LPXN: variants seen among roughly 807,000 people sequenced by gnomAD.
LPXN encodes the protein leupaxin.
LPXN carries 28 observed loss-of-function variants against 45.6 expected under a neutral mutation model. The observed-to-expected ratio is 0.61, with a 90% CI of 0.45 to 0.84. The LOEUF (loss-of-function observed/expected upper bound fraction) is 0.84, where lower values mean the gene tolerates loss of function less well. Ranked by LOEUF, LPXN falls within the 40% of genes least tolerant of loss-of-function variation. The pLI, the probability that LPXN is intolerant of heterozygous loss-of-function variation, is 0.00. For synonymous variants in LPXN, 166 were observed against 169.9 expected (o/e 0.98, Z 0.18); for missense variants, 459 against 475.0 (o/e 0.97, Z 0.31).
chr11:58,540,183 T>A (rs1024405580), intron 7 of LPXN, among the ~76,000 whole-genome samples: 2 of 151,908 alleles, frequency 1.3e-5, no homozygotes, highest in East Asian at 3.8e-4. Context: ...AAAAACAGTA[T>A]CATGAGAAAG....
chr11:58,558,662 T>C (rs1339781419), intron 3 of LPXN, among the ~76,000 whole-genome samples: 1 of 151,606 alleles, frequency 6.6e-6, no homozygotes, highest in East Asian at 1.9e-4. Flanking sequence ...AAGAACTTCC[T>C]ATATGAGCAA....
chr11:58,546,917 C>CTGAG (rs1853891193), intron 7 of LPXN, among the ~76,000 whole-genome samples: 1 of 152,068 alleles, frequency 6.6e-6, no homozygotes, highest in African/African-American at 2.4e-5. Context: ...AAAAGGAAAA[C>CTGAG]TGAGAGAAGG....
intron 7 of LPXN, among the ~76,000 whole-genome samples, chr11:58,535,686 A>G (rs191528873): frequency 1.6e-4 from 25 of 152,344 alleles, no homozygotes; most frequent in African/African-American, 5.8e-4. Context: ...CAGGCAACAG[A>G]AAGAAATAAA....
Position 58,570,741 on chromosome 11 carries a change from G to C in LPXN, c.14-28C>G, listed in dbSNP as rs1185155873. ...ACACCATAAGAAGCAAGAGAATCAT[G>C]ACAGAGAATATTTAAATCCCTACAG... On this transcript the variant is annotated intron_variant, in intron 1 of 8. Transcript: ENST00000395074. 2.6e-6 allele frequency: 4 copies of C among 1,564,400 alleles called. No individual in the cohort carries two copies. In the South Asian group the frequency reaches 3.5e-5, roughly 14 times the overall value.
At chr11:58,546,865 T>C (rs957522113) in intron 7 of LPXN, among the ~76,000 whole-genome samples, 4 of 152,106 alleles carry the variant, frequency 2.6e-5, no homozygotes, top group African/African-American at 9.7e-5. Flanking sequence ...CTTGTACAAT[T>C]CTGGAATTCC....
intron 7 of LPXN, among the ~76,000 whole-genome samples, chr11:58,549,277 C>T (rs548107306): frequency 6.6e-6 from 1 of 152,174 alleles, no homozygotes; most frequent in East Asian, 1.9e-4. Context: ...GCCTGTAGTC[C>T]CAGCTACTTG....
chr11:58,538,300 G>A (rs969731968), intron 7 of LPXN, among the ~76,000 whole-genome samples: 10 of 152,256 alleles, frequency 6.6e-5, no homozygotes, highest in Middle Eastern at 3.4e-3. Context: ...TAATGGGGTG[G>A]CTGGGCCAAA....
At chr11:58,541,291 G>C (rs1354627633) in intron 7 of LPXN, among the ~76,000 whole-genome samples, 6 of 152,122 alleles carry the variant, frequency 3.9e-5, no homozygotes, top group East Asian at 1.9e-4. Flanking sequence ...ACCTACTCAT[G>C]TGACAAAGGG....
chr11:58,528,808 A>C (rs563239849), intron 7 of LPXN, among the ~76,000 whole-genome samples: 1 of 152,236 alleles, frequency 6.6e-6, no homozygotes, highest in African/African-American at 2.4e-5. Flanking sequence ...CTCATACCAT[A>C]TATTTGAATT....
chr11:58,555,673 T>A (rs1158251807), intron 3 of LPXN, among the ~76,000 whole-genome samples: 2 of 151,810 alleles, frequency 1.3e-5, no homozygotes, highest in Non-Finnish European at 2.9e-5. Flanking sequence ...AACAAAGCAC[T>A]TCTAAATAAT....
chr11:58,570,566 C>T lies in LPXN; in HGVS notation c.161G>A (p.Ser54Asn). Residue 54 changes from serine (S) to asparagine (N), a missense_variant, in exon 2 of 9, where the codon AGT becomes AAT. Physicochemically the swap from Ser to Asn is conservative, Grantham distance 46 (BLOSUM62 1). Coordinates refer to ENST00000395074, the MANE Select transcript of LPXN (RefSeq NM_004811.3). ...TAAATGAAAATTTACCGGCAAGGGA[C>T]TTGTGTTATCCTGAATAGAAAGGAT... ...SEILSIQDNT[S>N]PLPAQLVYTT... 6.2e-7 allele frequency: 1 copy of T among 1,608,732 alleles called. No individual in the cohort carries two copies. The highest frequency in any genetic ancestry group is 8.5e-7 in the Non-Finnish European group (1 of 1,177,172).
At chr11:58,539,420 A>G (rs982793213) in intron 7 of LPXN, among the ~76,000 whole-genome samples, 2 of 152,178 alleles carry the variant, frequency 1.3e-5, no homozygotes, top group African/African-American at 2.4e-5. Context: ...AATATCCTCA[A>G]TGAAGCAGTC....
chr11:58,567,840 G>A (rs1317612234), intron 2 of LPXN, among the ~76,000 whole-genome samples: 1 of 152,166 alleles, frequency 6.6e-6, no homozygotes, highest in Non-Finnish European at 1.5e-5. Flanking sequence ...ACTGCTGAAA[G>A]GGTTTATTGT....
At chr11:58,557,477 C>T (rs770919246) in intron 3 of LPXN, among the ~76,000 whole-genome samples, 6 of 152,058 alleles carry the variant, frequency 3.9e-5, no homozygotes, top group African/African-American at 7.2e-5. Context: ...CATGATCTCA[C>T]TTATAGGTGG....
upstream of LPXN, among the ~76,000 whole-genome samples, chr11:58,578,454 T>C (rs941089993): frequency 2.0e-5 from 3 of 152,090 alleles, no homozygotes; most frequent in Non-Finnish European, 1.5e-5. Context: ...CGGGCCCTCG[T>C]TGCCCCCACA....
intron 7 of LPXN, among the ~76,000 whole-genome samples, chr11:58,540,215 T>C (rs1555003888): frequency 6.6e-6 from 1 of 151,980 alleles, no homozygotes; most frequent in Non-Finnish European, 1.5e-5. Context: ...ATAAAGAATA[T>C]GGGATATTTT....
chr11:58,564,022 C>T lies in LPXN; in HGVS notation c.218+133G>A. 4.9e-6 allele frequency: 3 copies of T among 614,998 alleles called. No individual in the cohort carries two copies. In the East Asian group the frequency reaches 8.7e-5, roughly 18 times the overall value. 38.1% of individuals were successfully genotyped at this position (614,998 alleles called of 1,614,324 possible). ...ACAGAATTCTACCTATGCTCAAAGA[C>T]TATGGAAAGAGGAGGATGATATACG... On this transcript the variant is annotated intron_variant, in intron 3 of 8. Transcript: ENST00000395074.
At position 58,527,806 on chromosome 11, in the gene LPXN, T is replaced by A. The variant is rs146509839; in HGVS notation, c.892-83A>T. The A allele has an allele frequency of 8.3e-4, 1,126 of 1,361,034 alleles. 13 individuals carry two copies. The Admixed American group carries it at 0.022, about 26-fold the overall frequency. The allele number at this position is 1,361,034 out of a possible 1,614,324, so 84.3% of individuals were successfully genotyped here. On this transcript the variant is annotated intron_variant, in intron 8 of 8. Coordinates refer to ENST00000395074, the MANE Select transcript of LPXN (RefSeq NM_004811.3). The stretch of plus-strand genomic sequence containing the variant: ...CAAAGTAAAATTTTCAGCCTTGAAA[T>A]TCCTGACAGTTACCTGCCAGCTACA...
rs773589206 is a variant in LPXN at position 58,549,990 on chromosome 11, C to T, written c.643G>A (p.Ala215Thr). The T allele has an allele frequency of 1.2e-5, 20 of 1,614,142 alleles. No individual in the cohort carries two copies. The highest frequency in any genetic ancestry group is 1.2e-4 in the South Asian group (11 of 91,076). Residue 215 changes from alanine (A) to threonine (T), a missense_variant, in exon 6 of 9, where the codon GCT becomes ACT. Physicochemically the swap from Ala to Thr is moderately conservative, Grantham distance 58 (BLOSUM62 0). Transcript: ENST00000395074. ...QLFSPRCAYCAAPILDKVLTA... is the reference protein window; with the variant it reads ...QLFSPRCAYCTAPILDKVLTA... Reference sequence around the variant, plus strand: ...TTACTTACATCCAGGATGGGAGCAGCGCAGTAAGCACAGCGTGGAGAAAAA... The same window carrying T: ...TTACTTACATCCAGGATGGGAGCAGTGCAGTAAGCACAGCGTGGAGAAAAA...
Sources: gnomAD v4.1 joint callset for allele counts (sites outside exome capture counted in the v4.1 genomes callset) on GRCh38, gnomAD v4.1.1 for gene constraint, MANE v1.5 for transcripts, NCBI Gene and HGNC (gene_info 2026-07-23, HGNC 2026-07-21) for gene names.